The following TCERG1L variants were observed in gnomAD, a reference collection of about 807,000 sequenced individuals.
TCERG1L encodes the protein transcription elongation regulator 1 like.
In TCERG1L, 37 loss-of-function variants were observed where a neutral mutation model predicts 56.3. That is an observed-to-expected ratio of 0.66 (90% CI 0.51 to 0.87). The LOEUF (loss-of-function observed/expected upper bound fraction) is 0.87. Ranked by LOEUF, TCERG1L falls within the 40% of genes least tolerant of loss-of-function variation. The pLI is 0.00. For missense variants in TCERG1L, 799 were observed against 774.2 expected, an observed-to-expected ratio of 1.03 and a Z score of -0.38; for synonymous variants, 324 against 326.3, an observed-to-expected ratio of 0.99 and a Z score of 0.08.
intron 4 of TCERG1L, among the ~76,000 whole-genome samples, chr10:131,196,318 G>C (rs1845362886): frequency 6.6e-6 from 1 of 152,116 alleles, no homozygotes; most frequent in Non-Finnish European, 1.5e-5. Context: ...TTGAACCGGA[G>C]ACACAGGCAC....
intron 4 of TCERG1L, among the ~76,000 whole-genome samples, chr10:131,229,291 A>G (rs964999934): frequency 6.6e-6 from 1 of 152,256 alleles, no homozygotes; most frequent in Non-Finnish European, 1.5e-5. Flanking sequence ...GAACTGTCCA[A>G]CATCAAAGCC....
chr10:131,180,098 A>AAGGG (rs1845154742), intron 4 of TCERG1L, among the ~76,000 whole-genome samples: 1 of 152,188 alleles, frequency 6.6e-6, no homozygotes, highest in South Asian at 2.1e-4. Flanking sequence ...CCTGCTCGAC[A>AAGGG]AGGGACTCCA....
chr10:131,291,515 C>G (rs913056247), intron 3 of TCERG1L, among the ~76,000 whole-genome samples: 1 of 142,828 alleles, frequency 7.0e-6, no homozygotes, highest in African/African-American at 2.6e-5. Flanking sequence ...CAAGCTCCGC[C>G]TCCCAGGTTC....
intron 4 of TCERG1L, among the ~76,000 whole-genome samples, chr10:131,173,001 T>C (rs1042088395): frequency 1.3e-5 from 2 of 151,830 alleles, no homozygotes; most frequent in African/African-American, 4.8e-5. Context: ...ATTGATTATC[T>C]TGCCTCGGCC....
At chr10:131,222,964 A>G (rs769432388) in intron 4 of TCERG1L, among the ~76,000 whole-genome samples, 2 of 152,178 alleles carry the variant, frequency 1.3e-5, no homozygotes, top group Non-Finnish European at 2.9e-5. Flanking sequence ...AAGTCTGCAC[A>G]AGACAATGGC....
intron 6 of TCERG1L, among the ~76,000 whole-genome samples, chr10:131,153,925 A>G (rs1438287792): frequency 1.3e-5 from 2 of 152,176 alleles, no homozygotes; most frequent in East Asian, 3.9e-4. Flanking sequence ...CAGAGCGGGT[A>G]TGGAGTTGAA....
At chr10:131,256,866 C>T (rs972943058) in intron 4 of TCERG1L, among the ~76,000 whole-genome samples, 1 of 147,532 alleles carries the variant, frequency 6.8e-6, no homozygotes, top group African/African-American at 2.5e-5. Context: ...GCCTGGGCGA[C>T]AGATCGAGAC....
chr10:131,203,577 G>A (rs1255592505), intron 4 of TCERG1L, among the ~76,000 whole-genome samples: 8 of 152,202 alleles, frequency 5.3e-5, no homozygotes, highest in Admixed American at 2.0e-4. Flanking sequence ...TTCGAAGATG[G>A]TGCGTCTCTC....
chr10:131,094,087 T>G (rs1380937619), intron 11 of TCERG1L, among the ~76,000 whole-genome samples: 1 of 152,174 alleles, frequency 6.6e-6, no homozygotes, highest in Non-Finnish European at 1.5e-5. Context: ...CTACGGCAGC[T>G]TAGAGGGCAA....
rs114815485 is a variant in TCERG1L at position 131,139,871 on chromosome 10, T to C, written c.1190-5423A>G. On this transcript the variant is annotated intron_variant, in intron 7 of 11. Transcript: ENST00000368642. ...GTGTATGTGTCTGTGCGTGTATATA[T>C]GCATTTGTGTGTGTGTCTGAGTGTG... Among the ~76,000 whole-genome samples the C allele has an allele frequency of 5.2e-3, 785 of 152,234 alleles. 9 individuals carry two copies. Among genetic ancestry groups the C allele is most frequent in the African/African-American group, 0.018 (750 of 41,532 alleles).
chr10:131,253,941 C>G (rs927620967), intron 4 of TCERG1L, among the ~76,000 whole-genome samples: 1 of 151,930 alleles, frequency 6.6e-6, no homozygotes, highest in African/African-American at 2.4e-5. Flanking sequence ...AAGAGAATTG[C>G]CGGCGATGAT....
intron 3 of TCERG1L, among the ~76,000 whole-genome samples, chr10:131,304,711 G>T (rs991274941): frequency 6.6e-6 from 1 of 152,100 alleles, no homozygotes; most frequent in Non-Finnish European, 1.5e-5. Flanking sequence ...TCCAGTGCAG[G>T]TGTAATTATT....
chr10:131,256,755 G>T, intron 4 of TCERG1L, among the ~76,000 whole-genome samples: 1 of 151,762 alleles, frequency 6.6e-6, no homozygotes, highest in Non-Finnish European at 1.5e-5. Context: ...ATGGGGGTGT[G>T]CACCTGTAAT....
chr10:131,146,422 G>A lies in TCERG1L; in HGVS notation c.1189+84C>T, dbSNP rs936268864. ...AGTCAATTTTCAACATAACCAAGAA[G>A]AAACATGCTTTCACTTTACGTTCAT... On this transcript the variant is annotated intron_variant, in intron 7 of 11. Transcript: ENST00000368642. The A allele has an allele frequency of 4.4e-6, 6 of 1,372,304 alleles. No homozygotes were observed. In the African/African-American group the frequency reaches 7.2e-5, roughly 16 times the overall value. 85.0% of individuals were successfully genotyped at this position (1,372,304 alleles called of 1,614,324 possible). A position where few individuals can be genotyped will look rare whatever the true frequency, so the allele number is the denominator to read the frequency against.
intron 4 of TCERG1L, among the ~76,000 whole-genome samples, chr10:131,194,442 T>C (rs954781417): frequency 6.6e-6 from 1 of 152,216 alleles, no homozygotes; most frequent in Non-Finnish European, 1.5e-5. Flanking sequence ...GGTTATAGAA[T>C]TAGAGGGCCC....
At position 131,116,897 on chromosome 10, in the gene TCERG1L, T is replaced by C. The variant is rs369279371; in HGVS notation, c.1297A>G (p.Lys433Glu). 6.2e-7 allele frequency: 1 copy of C among 1,605,728 alleles called. No homozygotes were observed. The highest frequency in any genetic ancestry group is 1.3e-5 in the African/African-American group (1 of 74,784). Reference sequence around the variant, plus strand: ...GTCCTTGTGCCTTTGTCCTCTCTCTTTGCCTCCTCTGGCTTGGGACTCCCG... The same window carrying C: ...GTCCTTGTGCCTTTGTCCTCTCTCTCTGCCTCCTCTGGCTTGGGACTCCCG... Reference protein sequence around the residue: ...GCGSPKPEEAKREDKGTRTPP... With the variant: ...GCGSPKPEEAEREDKGTRTPP... The change falls in exon 9 of 12, where the codon AAG (lysine) becomes GAG (glutamate). Residue 433 changes from lysine (K) to glutamate (E), a missense_variant. Transcript: ENST00000368642.
intron 7 of TCERG1L, among the ~76,000 whole-genome samples, chr10:131,134,831 C>T (rs1353953969): frequency 6.6e-6 from 1 of 152,156 alleles, no homozygotes; most frequent in African/African-American, 2.4e-5. Flanking sequence ...CCTCTGCGGC[C>T]ACTGCCCCAG....
At chr10:131,213,961 G>A (rs1845643240) in intron 4 of TCERG1L, among the ~76,000 whole-genome samples, 1 of 152,194 alleles carries the variant, frequency 6.6e-6, no homozygotes, top group Non-Finnish European at 1.5e-5. Flanking sequence ...TCCAGTGGCT[G>A]TGGAAGTCAG....
At chr10:131,147,367 G>T (rs1272405645) in intron 6 of TCERG1L, among the ~76,000 whole-genome samples, 1 of 152,194 alleles carries the variant, frequency 6.6e-6, no homozygotes, top group Admixed American at 6.5e-5. Context: ...AAGGAAAAAA[G>T]TCCCTCCCTA....
Sources: allele counts gnomAD v4.1 joint callset (sites outside exome capture counted in the v4.1 genomes callset), GRCh38; gene constraint gnomAD v4.1.1; transcripts MANE v1.5; gene names NCBI Gene and HGNC (gene_info 2026-07-23, HGNC 2026-07-21).